FRAS1: variants seen among roughly 807,000 people sequenced by gnomAD.
The protein encoded by FRAS1 is Fraser extracellular matrix complex subunit 1.
A neutral mutation model predicts 435.2 loss-of-function variants in FRAS1; 290 were observed. The observed-to-expected ratio is 0.67, with a 90% CI of 0.61 to 0.73. The LOEUF is 0.73. Ranked by LOEUF, FRAS1 falls within the 30% of genes least tolerant of loss-of-function variation. The probability of loss-of-function intolerance (pLI) is 0.00; values close to 1 mark genes in which losing one functional copy is unlikely to be tolerated. For missense variants in FRAS1, 4,860 were observed against 5,001.5 expected (o/e 0.97, Z 0.85); for synonymous variants, 1,800 against 1,851.0 (o/e 0.97, Z 0.71).
intron 2 of FRAS1, among the ~76,000 whole-genome samples, chr4:78,156,950 C>T (rs1055940521): frequency 1.1e-4 from 16 of 152,172 alleles, no homozygotes; most frequent in African/African-American, 3.4e-4. Flanking sequence ...CACACTCCTG[C>T]GCCCAGCTTC....
intron 14 of FRAS1, among the ~76,000 whole-genome samples, chr4:78,305,920 T>G (rs1196380622): frequency 3.3e-5 from 5 of 152,094 alleles, no homozygotes; most frequent in Admixed American, 6.5e-5. Context: ...GTTAGCTGCT[T>G]ATTTTGCTCA....
At chr4:78,281,079 C>G in intron 10 of FRAS1, among the ~76,000 whole-genome samples, 1 of 152,204 alleles carries the variant, frequency 6.6e-6, no homozygotes, top group East Asian at 1.9e-4. Flanking sequence ...CCATCATGCT[C>G]TGGCACCATG....
At chr4:78,208,913 G>T (rs1251195002) in intron 2 of FRAS1, among the ~76,000 whole-genome samples, 1 of 152,084 alleles carries the variant, frequency 6.6e-6, no homozygotes, top group Non-Finnish European at 1.5e-5. Context: ...AAGGTGAGTG[G>T]ATCACTTGAG....
chr4:78,390,929 A>C (rs1045134303), intron 29 of FRAS1, among the ~76,000 whole-genome samples: 2 of 152,256 alleles, frequency 1.3e-5, no homozygotes, highest in Admixed American at 6.5e-5. Context: ...CAACCTGTCA[A>C]GGTAACTAGG....
In FRAS1 at chr4:78,375,801, T is replaced by C; in HGVS notation, c.3214T>C (p.Phe1072Leu). 6.2e-7 allele frequency: 1 copy of C among 1,613,166 alleles called. No individual in the cohort carries two copies. Among genetic ancestry groups the C allele is most frequent in the Non-Finnish European group, 8.5e-7 (1 of 1,179,506 alleles). Residue 1072 changes from phenylalanine to leucine, a missense_variant, in exon 26 of 74, where the codon TTC becomes CTC. Transcript: ENST00000512123. ...CCGTTGTCACCTCTGTGACCATGGG[T>C]TCTTTCTGAAGAGTGGCCTCTGTGT... ...RDRCHLCDHG[F>L]FLKSGLCVYN...
rs1720519169 is a variant in FRAS1 at position 78,496,787 on chromosome 4, T to G, written c.8959-18T>G. The G allele has an allele frequency of 1.9e-6, 3 of 1,605,884 alleles. No individual in the cohort carries two copies. Among genetic ancestry groups the G allele is most frequent in the East Asian group, 4.5e-5 (2 of 44,560 alleles). ...ATCTTGCTGAAAATTTTAATCTGTC[T>G]TGTGCCATTGGCTCTAGGTGAAGAA... On this transcript the variant is annotated intron_variant, in intron 59 of 73. Transcript: ENST00000512123.
intron 65 of FRAS1, 126 bp from the exon 66 acceptor site, chr4:78,515,673 G>C (rs891464110): frequency 9.0e-6 from 7 of 773,510 alleles, no homozygotes; most frequent in Non-Finnish European, 1.5e-5. Flanking sequence ...GCCCTGGGTT[G>C]CTTTGTTAGT....
At chr4:78,292,251 A>T (rs190913787) in intron 14 of FRAS1, among the ~76,000 whole-genome samples, 1 of 152,348 alleles carries the variant, frequency 6.6e-6, no homozygotes, top group East Asian at 1.9e-4. Context: ...TATAGAGAAC[A>T]GTATACTGTA....
chr4:78,080,667 C>G (rs1319721807), intron 2 of FRAS1, among the ~76,000 whole-genome samples: 1 of 152,146 alleles, frequency 6.6e-6, no homozygotes, highest in Non-Finnish European at 1.5e-5. Context: ...ATCAATTGTA[C>G]AAGCAGATAC....
chr4:78,068,110 G>T (rs535613386), intron 2 of FRAS1, among the ~76,000 whole-genome samples: 1 of 152,092 alleles, frequency 6.6e-6, no homozygotes, highest in Admixed American at 6.5e-5. Context: ...GACAATTAGA[G>T]ACCTGCTATT....
At chr4:78,481,770 T>C (rs774499667) in intron 56 of FRAS1, 34 bp from the exon 57 acceptor site, 6 of 1,612,540 alleles carry the variant, frequency 3.7e-6, no homozygotes, top group Non-Finnish European at 5.1e-6. Flanking sequence ...TGGCTCAAAG[T>C]TGACCATTAA....
chr4:78,252,180 G>T (rs539597780), intron 4 of FRAS1, among the ~76,000 whole-genome samples: 1 of 151,724 alleles, frequency 6.6e-6, no homozygotes, highest in East Asian at 1.9e-4. Context: ...AAAAATCTTC[G>T]CGGTAATAGA....
chr4:78,287,291 C>T (rs1434068373), intron 14 of FRAS1, among the ~76,000 whole-genome samples: 1 of 152,144 alleles, frequency 6.6e-6, no homozygotes, highest in African/African-American at 2.4e-5. Flanking sequence ...CAGGTCCCTC[C>T]CTCGACACGT....
intron 2 of FRAS1, chr4:78,181,641 G>A (rs1578170923): frequency 6.2e-6 from 10 of 1,609,634 alleles, no homozygotes; most frequent in Admixed American, 1.7e-5. Flanking sequence ...TCGAATCTTC[G>A]TTCACAAGGT....
chr4:78,396,538 T>A lies in FRAS1; in HGVS notation c.3976-4196T>A, dbSNP rs979512384. Among the ~76,000 whole-genome samples the A allele has an allele frequency of 2.6e-5, 4 of 152,332 alleles. No individual in the cohort carries two copies. The South Asian group carries it at 8.3e-4, about 32-fold the overall frequency. On this transcript the variant is annotated intron_variant, in intron 29 of 73. Transcript: ENST00000512123. ...ATTGGCAGTTTTTTTCTCTAAGTGT[T>A]TCGAATATATCATCTCATTCTGTCA...
intron 69 of FRAS1, among the ~76,000 whole-genome samples, chr4:78,525,629 G>C (rs1721510964): frequency 6.6e-6 from 1 of 152,228 alleles, no homozygotes. Context: ...TATGAGAACT[G>C]TTCACAGATC....
chr4:78,113,568 T>C (rs370920933), intron 2 of FRAS1, among the ~76,000 whole-genome samples: 1,793 of 152,246 alleles, frequency 0.012, 36 homozygotes, highest in South Asian at 0.091. Flanking sequence ...TTGCATTTCT[T>C]TGATGGCCAG....
chr4:78,457,687 C>T (rs1402480240), intron 47 of FRAS1, among the ~76,000 whole-genome samples: 1 of 152,216 alleles, frequency 6.6e-6, no homozygotes, highest in Non-Finnish European at 1.5e-5. Context: ...GTCTTAAATC[C>T]TTAAACCCTT....
chr4:78,359,924 T>TTAAC (rs1731011322), intron 20 of FRAS1, among the ~76,000 whole-genome samples: 1 of 152,268 alleles, frequency 6.6e-6, no homozygotes, highest in South Asian at 2.1e-4. Flanking sequence ...AACATGGAGC[T>TTAAC]GTGGAAGGAA....
Sources: allele counts gnomAD v4.1 joint callset (sites outside exome capture counted in the v4.1 genomes callset), GRCh38; gene constraint gnomAD v4.1.1; transcripts MANE v1.5; gene names NCBI Gene and HGNC (gene_info 2026-07-23, HGNC 2026-07-21).